The following GALNT13 variants were observed in gnomAD, a reference collection of about 807,000 sequenced individuals.
GALNT13 encodes the protein UDP-GalNAc:polypeptide N-acetylgalactosaminyltransferase 13.
In GALNT13, 28 loss-of-function variants were observed where a neutral mutation model predicts 64.2. The observed-to-expected ratio is 0.44, with a 90% confidence interval of 0.32 to 0.60. The LOEUF is 0.60. Ranked by LOEUF, GALNT13 falls within the 20% of genes least tolerant of loss-of-function variation. The pLI, the probability that GALNT13 is intolerant of heterozygous loss-of-function variation, is 0.05. For missense variants in GALNT13, 577 were observed against 669.8 expected, an observed-to-expected ratio of 0.86 and a Z score of 1.53; for synonymous variants, 214 against 224.6, an observed-to-expected ratio of 0.95 and a Z score of 0.42.
chr2:153,156,994 A>G, the GALNT13 span, among the ~76,000 whole-genome samples: 1 of 152,158 alleles, frequency 6.6e-6, no homozygotes, highest in Non-Finnish European at 1.5e-5. Context: ...GTTGGAAATG[A>G]CTGGGCCTCT....
the GALNT13 span, among the ~76,000 whole-genome samples, chr2:153,392,334 T>TA: frequency 1.6e-3 from 247 of 150,696 alleles, 3 homozygotes; most frequent in African/African-American, 5.6e-3. Context: ...AATGAAATAT[T>TA]AAAAAAAAAC....
chr2:153,522,031 A>C, the GALNT13 span, among the ~76,000 whole-genome samples: 8 of 152,090 alleles, frequency 5.3e-5, no homozygotes, highest in African/African-American at 1.9e-4. Flanking sequence ...TATGAATATA[A>C]ATTTTCAGCT....
At chr2:153,710,760 T>C in the GALNT13 span, among the ~76,000 whole-genome samples, 2 of 152,088 alleles carry the variant, frequency 1.3e-5, no homozygotes, top group African/African-American at 2.4e-5. Context: ...AATTATCATA[T>C]ACATTGGGAA....
chr2:153,376,766 A>G, the GALNT13 span, among the ~76,000 whole-genome samples: 11 of 152,064 alleles, frequency 7.2e-5, no homozygotes, highest in Non-Finnish European at 1.3e-4. Context: ...TAATATATCT[A>G]TGTATTAGGT....
At chr2:153,385,676 T>C in the GALNT13 span, among the ~76,000 whole-genome samples, 1 of 152,028 alleles carries the variant, frequency 6.6e-6, no homozygotes, top group African/African-American at 2.4e-5. Flanking sequence ...TCAATAATAA[T>C]TTAATTGTAC....
chr2:153,301,971 A>C, the GALNT13 span, among the ~76,000 whole-genome samples: 1 of 151,800 alleles, frequency 6.6e-6, no homozygotes, highest in Non-Finnish European at 1.5e-5. Context: ...GGTTGATTCC[A>C]TATCTTGGCT....
At chr2:153,204,318 A>G in the GALNT13 span, among the ~76,000 whole-genome samples, 1 of 152,152 alleles carries the variant, frequency 6.6e-6, no homozygotes, top group Middle Eastern at 3.2e-3. Flanking sequence ...GTTTTTATCC[A>G]TATTTCAAGG....
chr2:154,396,938 TATAG>T (rs1699081875), intron 10 of GALNT13, among the ~76,000 whole-genome samples: 1 of 149,894 alleles, frequency 6.7e-6, no homozygotes, highest in African/African-American at 2.4e-5. Flanking sequence ...ATATTCATAC[TATAG>T]ATAATTATAT....
the GALNT13 span, among the ~76,000 whole-genome samples, chr2:153,344,391 T>A: frequency 6.6e-6 from 1 of 152,224 alleles, no homozygotes; most frequent in South Asian, 2.1e-4. Flanking sequence ...TTTTGGAGAA[T>A]GTTCTTCAGT....
intron 3 of GALNT13, among the ~76,000 whole-genome samples, chr2:153,967,835 G>T (rs1291394978): frequency 3.3e-5 from 5 of 152,136 alleles, no homozygotes; most frequent in Non-Finnish European, 5.9e-5. Context: ...GGTCCAACCT[G>T]TCAGTGCAGT....
intron 9 of GALNT13, among the ~76,000 whole-genome samples, chr2:154,344,039 T>C (rs1340416531): frequency 6.6e-6 from 1 of 152,002 alleles, no homozygotes; most frequent in African/African-American, 2.4e-5. Flanking sequence ...TCTCTCTCCT[T>C]GTGAGTCTTA....
At chr2:154,445,775 T>C in intron 12 of GALNT13, 1 of 1,282,320 alleles carries the variant, frequency 7.8e-7, no homozygotes, top group African/African-American at 1.5e-5. Flanking sequence ...TCTGCACTGG[T>C]CTTTCACTAA....
chr2:153,413,901 A>C, the GALNT13 span, among the ~76,000 whole-genome samples: 1 of 152,208 alleles, frequency 6.6e-6, no homozygotes, highest in East Asian at 1.9e-4. Flanking sequence ...ATTGATTCAG[A>C]ATGTATAAAA....
chr2:153,638,426 C>G, the GALNT13 span, among the ~76,000 whole-genome samples: 2 of 85,936 alleles, frequency 2.3e-5, 1 homozygote, highest in African/African-American at 6.8e-5. Flanking sequence ...GCCTGGACAC[C>G]CGGGATAGTA....
At chr2:153,231,753 A>T in the GALNT13 span, among the ~76,000 whole-genome samples, 1 of 152,010 alleles carries the variant, frequency 6.6e-6, no homozygotes, top group Admixed American at 6.5e-5. Context: ...TGCCATTTTT[A>T]TCTGGCTATG....
At chr2:153,765,963 C>T in the GALNT13 span, among the ~76,000 whole-genome samples, 10 of 152,232 alleles carry the variant, frequency 6.6e-5, no homozygotes, top group East Asian at 1.5e-3. Context: ...TGAGGCCTCC[C>T]CAAGCATGTG....
chr2:153,623,447 C>T, the GALNT13 span, among the ~76,000 whole-genome samples: 5 of 151,928 alleles, frequency 3.3e-5, no homozygotes, highest in African/African-American at 4.8e-5. Context: ...TTATAAATGC[C>T]GCTCCATATA....
chr2:154,249,158 A>G (rs1689939094), intron 7 of GALNT13, among the ~76,000 whole-genome samples: 1 of 152,166 alleles, frequency 6.6e-6, no homozygotes, highest in Non-Finnish European at 1.5e-5. Flanking sequence ...ACACATACAA[A>G]TGGGAGGTGA....
the GALNT13 span, among the ~76,000 whole-genome samples, chr2:153,618,436 C>A: frequency 6.6e-6 from 1 of 151,246 alleles, no homozygotes; most frequent in Admixed American, 6.6e-5. Context: ...ATTTTATTAC[C>A]TAAAATATGG....
Sources: gnomAD v4.1 joint callset for allele counts (sites outside exome capture counted in the v4.1 genomes callset) on GRCh38, gnomAD v4.1.1 for gene constraint, MANE v1.5 for transcripts, NCBI Gene and HGNC (gene_info 2026-07-23, HGNC 2026-07-21) for gene names.